The following PTCHD4 variants were observed in gnomAD, a reference collection of about 807,000 sequenced individuals.
PTCHD4 encodes patched domain containing 4, also known as patched domain-containing protein 4.
PTCHD4 carries 33 observed loss-of-function variants against 58.1 expected under a neutral mutation model. The ratio of observed to expected loss-of-function variants is 0.57; its 90% CI spans 0.43 to 0.76. The LOEUF (loss-of-function observed/expected upper bound fraction) is 0.76. PTCHD4 is among the 30% of genes least tolerant of loss of function. The pLI is 0.00. For missense variants in PTCHD4, 1,058 were observed against 1,027.1 expected, an observed-to-expected ratio of 1.03 and a Z score of -0.41; for synonymous variants, 478 against 409.6, an observed-to-expected ratio of 1.17 and a Z score of -2.02.
intron 4 of PTCHD4, chr6:47,900,014 T>G (rs973883658): frequency 6.6e-6 from 1 of 152,232 alleles, no homozygotes; most frequent in African/African-American, 2.4e-5. Flanking sequence ...ATATACCACT[T>G]TTTATGTTTC....
At chr6:47,990,441 CAT>C (rs1205997015) in intron 4 of PTCHD4, among the ~76,000 whole-genome samples, 1 of 152,144 alleles carries the variant, frequency 6.6e-6, no homozygotes, top group East Asian at 1.9e-4. Flanking sequence ...ATAATTCCCA[CAT>C]GTTGTGGGAG....
chr6:48,043,721 G>A (rs1016504656), intron 3 of PTCHD4, among the ~76,000 whole-genome samples: 3 of 151,786 alleles, frequency 2.0e-5, no homozygotes, highest in Non-Finnish European at 4.4e-5. Context: ...CAAGCTCATT[G>A]CAATATTCAA....
At chr6:48,091,848 C>T (rs1049603152) in intron 1 of PTCHD4, among the ~76,000 whole-genome samples, 4 of 151,940 alleles carry the variant, frequency 2.6e-5, no homozygotes, top group Admixed American at 2.6e-4. Flanking sequence ...CGGGGTTTTG[C>T]CATGTTGGCT....
intron 1 of PTCHD4, among the ~76,000 whole-genome samples, chr6:48,080,919 A>C (rs1211754303): frequency 6.6e-6 from 1 of 152,116 alleles, no homozygotes; most frequent in African/African-American, 2.4e-5. Context: ...TGTTTTTAGC[A>C]TTGTATGTTT....
chr6:48,077,804 C>T (rs1385958690), intron 1 of PTCHD4, among the ~76,000 whole-genome samples: 2 of 152,132 alleles, frequency 1.3e-5, no homozygotes, highest in Non-Finnish European at 2.9e-5. Context: ...GTGGAGCATT[C>T]AGAACACACA....
At chr6:48,100,347 A>G (rs73736831) in intron 1 of PTCHD4, among the ~76,000 whole-genome samples, 41 of 152,348 alleles carry the variant, frequency 2.7e-4, no homozygotes, top group African/African-American at 9.6e-4. Context: ...CCCAGAATCA[A>G]TGAGGCCTCC....
Position 47,870,814 on chromosome 6 carries a change from A to G in PTCHD4, c.*7489T>C, listed in dbSNP as rs1466920715. The stretch of plus-strand genomic sequence containing the variant: ...AAGGTAGCTTTAGTTGTAGAGCCCA[A>G]GGTACAGAACTACAGAGCAGAAACC... On this transcript the variant is annotated 3_prime_UTR_variant, in exon 5 of 5. Transcript: ENST00000339488. Among the ~76,000 whole-genome samples the G allele has an allele frequency of 6.6e-6, 1 of 151,558 alleles. No homozygotes were observed. Among genetic ancestry groups the G allele is most frequent in the Non-Finnish European group, 1.5e-5 (1 of 67,700 alleles).
At chr6:47,929,648 C>G (rs1216566756) in intron 4 of PTCHD4, among the ~76,000 whole-genome samples, 1 of 152,168 alleles carries the variant, frequency 6.6e-6, no homozygotes, top group East Asian at 1.9e-4. Flanking sequence ...GAGAGGAACT[C>G]CAGGCTGCTA....
At chr6:48,094,450 C>G (rs1231881171) in intron 1 of PTCHD4, among the ~76,000 whole-genome samples, 2 of 152,122 alleles carry the variant, frequency 1.3e-5, no homozygotes, top group Admixed American at 6.6e-5. Context: ...AATGAAGAAA[C>G]ATTGAGATCA....
chr6:47,879,462 A>C lies in PTCHD4; in HGVS notation c.1373T>G (p.Ile458Arg). 6.2e-7 allele frequency: 1 copy of C among 1,613,618 alleles called. No homozygotes were observed. Among genetic ancestry groups the C allele is most frequent in the Non-Finnish European group, 8.5e-7 (1 of 1,179,672 alleles). The change falls in exon 5 of 5, where the codon ATA becomes AGA. Residue 458 changes from isoleucine to arginine, a missense_variant. Physicochemically the swap from Ile to Arg is moderately conservative, Grantham distance 97. Transcript: ENST00000339488. ...GATGACAACAAATGGCTTCACATAT[A>C]TATTGGTAATCCATTCATTATAATG... is the stretch of plus-strand genomic sequence containing the variant. ...REHYNEWITN[I>R]YVKPFVVILY...
intron 3 of PTCHD4, among the ~76,000 whole-genome samples, chr6:48,041,425 C>T (rs540613390): frequency 2.6e-5 from 4 of 152,132 alleles, no homozygotes; most frequent in East Asian, 1.9e-4. Context: ...AACATGTTGT[C>T]CATTGACTCT....
intron 3 of PTCHD4, among the ~76,000 whole-genome samples, chr6:48,028,662 CA>C (rs1416754501): frequency 3.3e-5 from 5 of 151,928 alleles, no homozygotes; most frequent in African/African-American, 7.2e-5. Flanking sequence ...TCCTATAAAT[CA>C]AAGATTTTGT....
chr6:47,898,941 T>G (rs1478923127), intron 4 of PTCHD4, among the ~76,000 whole-genome samples: 10 of 152,198 alleles, frequency 6.6e-5, no homozygotes, highest in Non-Finnish European at 5.9e-5. Context: ...AGAGGGGTCA[T>G]GCTCTCCCTG....
intron 4 of PTCHD4, among the ~76,000 whole-genome samples, chr6:47,882,127 G>C (rs1446827400): frequency 6.6e-6 from 1 of 152,102 alleles, no homozygotes; most frequent in Non-Finnish European, 1.5e-5. Flanking sequence ...GTTAGAATAA[G>C]GGTTAAGGTA....
chr6:47,995,084 C>A (rs929421324), intron 4 of PTCHD4, among the ~76,000 whole-genome samples: 1 of 151,966 alleles, frequency 6.6e-6, no homozygotes, highest in Non-Finnish European at 1.5e-5. Flanking sequence ...TTCATTTGAC[C>A]TGTTTATTGA....
chr6:47,987,779 ATT>A (rs111389891), intron 4 of PTCHD4, among the ~76,000 whole-genome samples: 5 of 142,580 alleles, frequency 3.5e-5, no homozygotes, highest in Non-Finnish European at 4.6e-5. Flanking sequence ...GTCACATAAC[ATT>A]TTTTTTTTTT....
intron 1 of PTCHD4, among the ~76,000 whole-genome samples, chr6:48,098,056 C>T (rs1371093748): frequency 6.6e-6 from 1 of 152,026 alleles, no homozygotes; most frequent in Non-Finnish European, 1.5e-5. Flanking sequence ...TAAGAAGGGC[C>T]CATATCCCTT....
chr6:47,878,669 G>A lies in PTCHD4; in HGVS notation c.2166C>T (p.Ala722=), dbSNP rs777097947. The A allele has an allele frequency of 3.9e-5, 63 of 1,613,438 alleles. No homozygotes were observed. Among genetic ancestry groups the A allele is most frequent in the Non-Finnish European group, 5.2e-5 (61 of 1,179,762 alleles). The part of the protein sequence containing the change: ...ILCLIYTLNF[A]IDHCAPLLFT... ...AAAGCAGTGGTGCACAGTGGTCAAT[G>A]GCGAAATTCAAGGTGTAGATAAGGC... The change falls in exon 5 of 5, where the codon GCC becomes GCT. Residue 722 remains alanine, a synonymous_variant. Transcript: ENST00000339488.
intron 4 of PTCHD4, among the ~76,000 whole-genome samples, chr6:47,948,327 C>A (rs1766499382): frequency 6.6e-6 from 1 of 152,146 alleles, no homozygotes; most frequent in Non-Finnish European, 1.5e-5. Context: ...CTTTGCAAGA[C>A]AGAGGTCACA....
Sources: allele counts gnomAD v4.1 joint callset (sites outside exome capture counted in the v4.1 genomes callset), GRCh38; gene constraint gnomAD v4.1.1; transcripts MANE v1.5; gene names NCBI Gene and HGNC (gene_info 2026-07-23, HGNC 2026-07-21).